NEK10: variants seen among roughly 807,000 people sequenced by gnomAD.
NEK10 encodes NIMA related kinase 10, also known as serine/threonine-protein kinase Nek10.
Under a neutral mutation model 159.8 loss-of-function variants are expected in NEK10, and 122 were observed. That is an observed-to-expected ratio of 0.76 (90% confidence interval 0.66 to 0.89). NEK10 has a LOEUF of 0.89. Among genes scored for constraint, NEK10 ranks in the 40% least tolerant of loss-of-function variants. The probability of loss-of-function intolerance (pLI) is 0.00; values close to 1 mark genes in which losing one functional copy is unlikely to be tolerated. For missense variants in NEK10, 1,342 were observed against 1,323.1 expected, an observed-to-expected ratio of 1.01 and a Z score of -0.22; for synonymous variants, 466 against 457.1, an observed-to-expected ratio of 1.02 and a Z score of -0.25.
intron 25 of NEK10, among the ~76,000 whole-genome samples, chr3:27,199,364 C>A (rs1427339141): frequency 6.6e-6 from 1 of 152,196 alleles, no homozygotes; most frequent in African/African-American, 2.4e-5. Flanking sequence ...TAAAGCTCAA[C>A]ATTACTGATC....
At chr3:27,154,710 C>T (rs1193697086) in intron 30 of NEK10, among the ~76,000 whole-genome samples, 3 of 152,098 alleles carry the variant, frequency 2.0e-5, no homozygotes, top group Admixed American at 6.6e-5. Context: ...ATGATCATCA[C>T]AATATATGCA....
chr3:27,296,334 G>A (rs1034042138), intron 14 of NEK10, among the ~76,000 whole-genome samples: 2 of 152,016 alleles, frequency 1.3e-5, no homozygotes, highest in African/African-American at 2.4e-5. Context: ...TTTTATACAT[G>A]AGAAAACCAA....
intron 25 of NEK10, among the ~76,000 whole-genome samples, chr3:27,196,902 A>T (rs1279682827): frequency 1.3e-5 from 2 of 152,202 alleles, no homozygotes. Context: ...ATATATTTGG[A>T]TTCATTAGCA....
chr3:27,278,626 T>G, intron 22 of NEK10: 3 of 834,808 alleles, frequency 3.6e-6, no homozygotes, highest in Non-Finnish European at 2.9e-6. Flanking sequence ...TTCTGTGTCA[T>G]GTACTAAAGT....
intron 30 of NEK10, among the ~76,000 whole-genome samples, chr3:27,154,918 C>T (rs1475474335): frequency 1.3e-5 from 2 of 152,130 alleles, no homozygotes; most frequent in Admixed American, 6.5e-5. Flanking sequence ...CACCACTACT[C>T]TTCAACATAG....
At chr3:27,308,360 G>C (rs1177238776) in intron 10 of NEK10, among the ~76,000 whole-genome samples, 1 of 152,094 alleles carries the variant, frequency 6.6e-6, no homozygotes, top group African/African-American at 2.4e-5. Flanking sequence ...AGATTTGGTT[G>C]GGGACACAAA....
intron 11 of NEK10, 138 bp from the exon 12 acceptor site, chr3:27,305,109 T>A: frequency 1.6e-6 from 1 of 627,402 alleles, no homozygotes; most frequent in Non-Finnish European, 2.8e-6. Flanking sequence ...CCATTTTCTG[T>A]AAGGAGCCCG....
chr3:27,285,364 G>C (rs1293610525), intron 20 of NEK10, among the ~76,000 whole-genome samples: 1 of 151,964 alleles, frequency 6.6e-6, no homozygotes, highest in Non-Finnish European at 1.5e-5. Flanking sequence ...CTCAAATCAA[G>C]TCAGACATTC....
At chr3:27,202,025 C>T (rs1950095850) in intron 24 of NEK10, among the ~76,000 whole-genome samples, 1 of 152,034 alleles carries the variant, frequency 6.6e-6, no homozygotes, top group Non-Finnish European at 1.5e-5. Flanking sequence ...GTGGCACATA[C>T]CTGTAATCCC....
intron 32 of NEK10, among the ~76,000 whole-genome samples, chr3:27,126,569 G>A (rs1182870250): frequency 6.6e-6 from 1 of 152,138 alleles, no homozygotes; most frequent in Non-Finnish European, 1.5e-5. Context: ...TGGATCAGCA[G>A]CAGCAGCAGC....
intron 13 of NEK10, among the ~76,000 whole-genome samples, chr3:27,300,126 C>T (rs2043687795): frequency 6.6e-6 from 1 of 152,092 alleles, no homozygotes; most frequent in Non-Finnish European, 1.5e-5. Flanking sequence ...ACCCAAATCT[C>T]AATCTTGAAT....
At chr3:27,149,701 C>A (rs1438233527) in intron 30 of NEK10, among the ~76,000 whole-genome samples, 1 of 152,134 alleles carries the variant, frequency 6.6e-6, no homozygotes, top group Non-Finnish European at 1.5e-5. Context: ...CCCTGAGACA[C>A]AACAATACTG....
At chr3:27,239,585 A>G (rs1420104328) in intron 23 of NEK10, among the ~76,000 whole-genome samples, 1 of 152,250 alleles carries the variant, frequency 6.6e-6, no homozygotes, top group African/African-American at 2.4e-5. Flanking sequence ...CACATTTTAT[A>G]AGAGACTTGT....
chr3:27,126,767 A>AAAC (rs945095562), intron 32 of NEK10, among the ~76,000 whole-genome samples: 1 of 152,036 alleles, frequency 6.6e-6, no homozygotes, highest in Non-Finnish European at 1.5e-5. Context: ...AGCAAAAAAA[A>AAAC]AACAACAACA....
intron 3 of NEK10, among the ~76,000 whole-genome samples, chr3:27,346,631 C>G (rs1373391058): frequency 6.6e-6 from 1 of 152,124 alleles, no homozygotes; most frequent in Non-Finnish European, 1.5e-5. Context: ...TGCAAGCTGA[C>G]TAGAGAGCTC....
chr3:27,266,399 G>C (rs1330102104), intron 22 of NEK10, among the ~76,000 whole-genome samples: 1 of 151,774 alleles, frequency 6.6e-6, no homozygotes, highest in Non-Finnish European at 1.5e-5. Context: ...TTTTTATGGG[G>C]ATTTGCAACT....
intron 23 of NEK10, among the ~76,000 whole-genome samples, chr3:27,242,103 T>C (rs1205110761): frequency 6.6e-6 from 1 of 152,236 alleles, no homozygotes; most frequent in African/African-American, 2.4e-5. Context: ...ACTAGAATTG[T>C]TCCACCATGT....
Position 27,115,957 on chromosome 3 carries a change from G to T in NEK10, c.3282C>A (p.Tyr1094Ter), listed in dbSNP as rs768169562. The T allele has an allele frequency of 3.1e-6, 5 of 1,612,378 alleles. No homozygotes were observed. The Middle Eastern group carries it at 5.1e-4, about 163-fold the overall frequency. ...IEEVLEESGY[Y>*]NFTSNRYHSY... Reference sequence around the variant, plus strand: ...GCTCTTACCTGTTAGATGTAAAATTGTAATAGCCACTTTCCTCAAGGACTT... The same window carrying T: ...GCTCTTACCTGTTAGATGTAAAATTTTAATAGCCACTTTCCTCAAGGACTT... Residue 1094 changes from tyrosine to a stop codon, truncating the protein, a stop_gained, in exon 35 of 36, where the codon TAC becomes TAA. Coordinates refer to ENST00000691995, the MANE Select transcript of NEK10 (RefSeq NM_001394966.1). LOFTEE classifies it high-confidence loss of function.
At chr3:27,298,684 G>A (rs1481475580) in intron 13 of NEK10, among the ~76,000 whole-genome samples, 4 of 152,190 alleles carry the variant, frequency 2.6e-5, no homozygotes, top group African/African-American at 4.8e-5. Context: ...GAATGGCTTT[G>A]ACCAAATGCT....
Sources: gnomAD v4.1 joint callset for allele counts (sites outside exome capture counted in the v4.1 genomes callset) on GRCh38, gnomAD v4.1.1 for gene constraint, MANE v1.5 for transcripts, NCBI Gene and HGNC (gene_info 2026-07-23, HGNC 2026-07-21) for gene names.